SYCP2L: variants seen among roughly 807,000 people sequenced by gnomAD.
SYCP2L encodes the protein synaptonemal complex protein 2 like.
In SYCP2L, 98 loss-of-function variants were observed where a neutral mutation model predicts 125.8. That is an observed-to-expected ratio of 0.78 (90% confidence interval 0.66 to 0.92). The LOEUF (loss-of-function observed/expected upper bound fraction) is 0.92. Among genes scored for constraint, SYCP2L ranks in the 40% least tolerant of loss-of-function variants. SYCP2L has a pLI of 0.00. For synonymous variants in SYCP2L, 317 were observed against 325.4 expected (o/e 0.97, Z 0.28); for missense variants, 842 against 936.4 (o/e 0.90, Z 1.32).
intron 20 of SYCP2L, among the ~76,000 whole-genome samples, chr6:10,932,777 G>A (rs539399258): frequency 2.0e-5 from 3 of 151,976 alleles, no homozygotes; most frequent in African/African-American, 4.8e-5. Flanking sequence ...TTTTTGAGAC[G>A]GAGTCTTGCT....
At chr6:10,891,434 T>TTG in intron 1 of SYCP2L, 79 bp from the exon 2 acceptor site, 11 of 879,522 alleles carry the variant, frequency 1.3e-5, no homozygotes, top group South Asian at 5.6e-5. Flanking sequence ...TTTTTTTTTT[T>TTG]TTTTGCTTTG....
chr6:10,888,065 T>C (rs939493433), intron 1 of SYCP2L, among the ~76,000 whole-genome samples: 2 of 100,576 alleles, frequency 2.0e-5, no homozygotes, highest in Non-Finnish European at 3.9e-5. Flanking sequence ...GGTGTTACCA[T>C]CTTTTTTTTT....
chr6:10,935,186 A>G lies in SYCP2L; in HGVS notation c.1812A>G (p.Thr604=). The G allele has an allele frequency of 6.2e-7, 1 of 1,611,284 alleles. No homozygotes were observed. Among genetic ancestry groups the G allele is most frequent in the East Asian group, 2.2e-5 (1 of 44,704 alleles). Residue 604 remains threonine (T), a splice_region_variant and synonymous_variant, in exon 21 of 30, where the codon ACA becomes ACG. Transcript: ENST00000283141. ...CTGCTGAAGATTCTGCCCAGAAAACAGGTACATGATTTTCTGTTGACTTAC... is the reference window on the plus strand; with the variant it reads ...CTGCTGAAGATTCTGCCCAGAAAACGGGTACATGATTTTCTGTTGACTTAC... The part of the protein sequence containing the change: ...FLTAEDSAQK[T]ELQDPHSLSE...
intron 14 of SYCP2L, among the ~76,000 whole-genome samples, chr6:10,922,982 A>G (rs185638642): frequency 6.6e-6 from 1 of 152,344 alleles, no homozygotes; most frequent in East Asian, 1.9e-4. Context: ...TTTTAAAATT[A>G]TTAATGATAC....
intron 17 of SYCP2L, 28 bp downstream of exon 17, chr6:10,927,395 A>T (rs756833596): frequency 6.3e-7 from 1 of 1,580,222 alleles, no homozygotes; most frequent in African/African-American, 1.4e-5. Context: ...TTCCCTAAGC[A>T]TCGGCCAGGT....
chr6:10,905,142 CAA>C (rs34659978), intron 8 of SYCP2L, among the ~76,000 whole-genome samples: 257 of 54,638 alleles, frequency 4.7e-3, no homozygotes, highest in African/African-American at 0.015. Flanking sequence ...GACTTGGTCT[CAA>C]AAAAAAAAAA....
intron 17 of SYCP2L, among the ~76,000 whole-genome samples, chr6:10,927,744 C>T (rs575194118): frequency 6.6e-6 from 1 of 152,060 alleles, no homozygotes; most frequent in Non-Finnish European, 1.5e-5. Flanking sequence ...ACCGGTCTGA[C>T]CAAAATTTAT....
At chr6:10,903,341 G>C (rs942606750) in intron 8 of SYCP2L, among the ~76,000 whole-genome samples, 1 of 152,160 alleles carries the variant, frequency 6.6e-6, no homozygotes, top group Admixed American at 6.5e-5. Context: ...GAGGTCAGGA[G>C]ATCGAGACCA....
At chr6:10,936,258 A>C (rs1484941270) in intron 21 of SYCP2L, among the ~76,000 whole-genome samples, 1 of 151,982 alleles carries the variant, frequency 6.6e-6, no homozygotes, top group East Asian at 1.9e-4. Flanking sequence ...GCACTTTGGG[A>C]GGCTGAGGCG....
At chr6:10,931,312 T>C (rs1259415723) in intron 19 of SYCP2L, 128 bp from the exon 20 acceptor site, 18 of 829,030 alleles carry the variant, frequency 2.2e-5, no homozygotes, top group Middle Eastern at 2.6e-4. Context: ...ATCTTAAGAG[T>C]AGACATTTCT....
At position 10,918,622 on chromosome 6, in the gene SYCP2L, C is replaced by T. The variant is rs190451216; in HGVS notation, c.1072+5695C>T. 5.0e-3 allele frequency among the ~76,000 whole-genome samples: 758 copies of T among 151,968 alleles called. 5 individuals carry two copies. Among genetic ancestry groups the T allele is most frequent in the Admixed American group, 9.5e-3 (145 of 15,260 alleles). ...TGTGATCTCAGCTCACTGCAACCTCCGCCTCCTGGGTTCAAGTGATTCTCA... is the reference window on the plus strand; with the variant it reads ...TGTGATCTCAGCTCACTGCAACCTCTGCCTCCTGGGTTCAAGTGATTCTCA... On this transcript the variant is annotated intron_variant, in intron 14 of 29. Coordinates refer to ENST00000283141, the MANE Select transcript of SYCP2L (RefSeq NM_001040274.3).
chr6:10,966,696 G>T (rs990940243), intron 29 of SYCP2L, among the ~76,000 whole-genome samples: 2 of 152,166 alleles, frequency 1.3e-5, no homozygotes, highest in African/African-American at 2.4e-5. Context: ...CAATTAGAAG[G>T]GAGTTAATAA....
intron 21 of SYCP2L, among the ~76,000 whole-genome samples, 198 bp downstream of exon 21, chr6:10,935,385 T>G (rs542692991): frequency 1.3e-5 from 2 of 152,358 alleles, no homozygotes; most frequent in Admixed American, 1.3e-4. Context: ...GAGATCATCT[T>G]GTACCCAAGA....
rs748789537 is a variant in SYCP2L at position 10,926,424 on chromosome 6, G to A, written c.1304G>A (p.Arg435Lys). ...AGGGAGAGTCCCAGTGGCCTTGAAA[G>A]AGAAACAGGTATATTGGGAAATAAC... ...EDRESPSGLE[R>K]ETEQAEESTN... The change falls in exon 16 of 30, where the codon AGA becomes AAA. Residue 435 changes from arginine to lysine, a missense_variant. Coordinates refer to ENST00000283141, the MANE Select transcript of SYCP2L (RefSeq NM_001040274.3). The A allele has an allele frequency of 2.0e-5, 32 of 1,611,052 alleles. No individual in the cohort carries two copies. In the Admixed American group the frequency reaches 3.2e-4, roughly 16 times the overall value.
At position 10,907,738 on chromosome 6, in the gene SYCP2L, G is replaced by A. The variant is rs1007096752; in HGVS notation, c.819+54G>A. 26 of 1,583,280 alleles carry A rather than the reference G, an allele frequency of 1.6e-5. No individual in the cohort carries two copies. In the East Asian group the frequency reaches 2.5e-4, roughly 15 times the overall value. On this transcript the variant is annotated intron_variant, in intron 10 of 29. Transcript: ENST00000283141. ...ATTAGCCAATATTTATTAAGCATCC[G>A]CTGAGAACTTTCCTGTGCATTGGGC...
At chr6:10,941,500 A>G (rs1781219416) in intron 21 of SYCP2L, among the ~76,000 whole-genome samples, 1 of 152,262 alleles carries the variant, frequency 6.6e-6, no homozygotes, top group Non-Finnish European at 1.5e-5. Context: ...ATATGAACAG[A>G]CACTTCTCAA....
At chr6:10,942,410 G>T in intron 21 of SYCP2L, 49 bp from the exon 22 acceptor site, 5 of 1,172,026 alleles carry the variant, frequency 4.3e-6, no homozygotes, top group Non-Finnish European at 6.0e-6. Flanking sequence ...AATTCTTATT[G>T]CTTTGTTACT....
chr6:10,944,965 C>T (rs1460948115), intron 23 of SYCP2L, among the ~76,000 whole-genome samples: 2 of 152,126 alleles, frequency 1.3e-5, no homozygotes, highest in Non-Finnish European at 2.9e-5. Context: ...CTGCCTGCCT[C>T]GGCCTCCCAA....
At chr6:10,947,691 C>G (rs796366092) in intron 23 of SYCP2L, among the ~76,000 whole-genome samples, 3 of 151,914 alleles carry the variant, frequency 2.0e-5, no homozygotes, top group Admixed American at 1.3e-4. Context: ...CTATTACTTG[C>G]AAAAAATGAT....
Sources: gnomAD v4.1 joint callset for allele counts (sites outside exome capture counted in the v4.1 genomes callset) on GRCh38, gnomAD v4.1.1 for gene constraint, MANE v1.5 for transcripts, NCBI Gene and HGNC (gene_info 2026-07-23, HGNC 2026-07-21) for gene names.